The following SDCBP variants were observed in gnomAD, a reference collection of about 807,000 sequenced individuals.
SDCBP encodes syndecan binding protein.
In SDCBP, 22 loss-of-function variants were observed where a neutral mutation model predicts 30.5. The observed-to-expected ratio is 0.72, with a 90% CI of 0.52 to 1.03. SDCBP has a LOEUF of 1.03. SDCBP is among the 50% of genes least tolerant of loss of function. The pLI, the probability that SDCBP is intolerant of heterozygous loss-of-function variation, is 0.00. For missense variants in SDCBP, 304 were observed against 369.9 expected, an observed-to-expected ratio of 0.82 and a Z score of 1.46; for synonymous variants, 103 against 118.7, an observed-to-expected ratio of 0.87 and a Z score of 0.86.
intron 1 of SDCBP, among the ~76,000 whole-genome samples, chr8:58,553,609 G>A (rs1250501715): frequency 1.3e-5 from 2 of 152,204 alleles, no homozygotes; most frequent in African/African-American, 4.8e-5. Context: ...CCGGAGGCCC[G>A]GCTGGGTGAA....
Position 58,572,257 on chromosome 8 carries a change from A to G in SDCBP, c.183A>G (p.Leu61=). 1 of 1,612,456 alleles carries G rather than the reference A, an allele frequency of 6.2e-7. No homozygotes were observed. The highest frequency in any genetic ancestry group is 8.5e-7 in the Non-Finnish European group (1 of 1,179,772). The change falls in exon 4 of 9, where the codon TTA becomes TTG. Residue 61 remains leucine (L), a synonymous_variant. Transcript: ENST00000260130. ...TCTCTCAATACATGGGGCTGAGTTT[A>G]AATGAAGAAGAAATACGTGCAAATG... ...PELSQYMGLS[L]NEEEIRANVA...
intron 5 of SDCBP, among the ~76,000 whole-genome samples, chr8:58,577,747 A>AG (rs770409453): frequency 6.6e-6 from 1 of 152,078 alleles, no homozygotes; most frequent in African/African-American, 2.4e-5. Context: ...TCCAAGTTGA[A>AG]GGGGGGGATT....
intron 2 of SDCBP, among the ~76,000 whole-genome samples, chr8:58,567,521 A>G (rs894892936): frequency 2.6e-5 from 4 of 152,208 alleles, no homozygotes; most frequent in African/African-American, 9.6e-5. Flanking sequence ...CCTGAAGTCT[A>G]CATATTTACA....
At chr8:58,573,200 C>G (rs10099153) in intron 4 of SDCBP, among the ~76,000 whole-genome samples, 47,921 of 151,916 alleles carry the variant, frequency 0.32, 7,763 homozygotes, top group East Asian at 0.55. Flanking sequence ...GTCTGATAAC[C>G]TTTTATTAAG....
At chr8:58,566,759 T>C (rs754233225) in intron 2 of SDCBP, among the ~76,000 whole-genome samples, 1 of 152,236 alleles carries the variant, frequency 6.6e-6, no homozygotes, top group African/African-American at 2.4e-5. Flanking sequence ...AACGGTATTA[T>C]GAAGGAAGGT....
At chr8:58,579,510 A>T in intron 6 of SDCBP, 113 bp from the exon 7 acceptor site, 1 of 735,548 alleles carries the variant, frequency 1.4e-6, no homozygotes, top group Non-Finnish European at 2.0e-6. Flanking sequence ...TGCTCTTATT[A>T]GAAACAGTGT....
In SDCBP at chr8:58,568,870, CAAT is replaced by C. The variant is rs1804856121; in HGVS notation, c.52-2013_52-2011del. ...TTCCCTTCTAGAAACTCCTGGCAAC[CAAT>C]AATTTGCTTTTGCTTTTGTGTTTTC... On this transcript the variant is annotated intron_variant, in intron 2 of 8. Transcript: ENST00000260130. Among the ~76,000 whole-genome samples the C allele has an allele frequency of 2.0e-5, 3 of 152,050 alleles. No homozygotes were observed. In the South Asian group the frequency reaches 6.2e-4, roughly 32 times the overall value.
chr8:58,553,517 TCTTCCTGCCGCGACCCCGCGCGTTTCGG>T (rs1803924195), intron 1 of SDCBP, among the ~76,000 whole-genome samples: 1 of 151,914 alleles, frequency 6.6e-6, no homozygotes, highest in African/African-American at 2.4e-5. Flanking sequence ...AGCAGCGCGC[TCTTCCTGCCGCGACCCCGCGCGTTTCGG>T]GTTCCTGCCC....
intron 7 of SDCBP, 199 bp downstream of exon 7, chr8:58,579,993 A>G (rs952477669): frequency 6.7e-6 from 3 of 450,178 alleles, no homozygotes; most frequent in African/African-American, 4.0e-5. Flanking sequence ...GTGGGCTGGA[A>G]TAAATGATCT....
At chr8:58,566,253 C>A (rs1039146937) in intron 2 of SDCBP, among the ~76,000 whole-genome samples, 4 of 152,154 alleles carry the variant, frequency 2.6e-5, no homozygotes, top group Non-Finnish European at 5.9e-5. Flanking sequence ...AACTGCTTAG[C>A]CATTAATATG....
rs1027227459 is a variant in SDCBP, at chr8:58,563,932, C to T, written c.-15-1087C>T. On this transcript the variant is annotated intron_variant, in intron 1 of 8. Coordinates refer to ENST00000260130, the MANE Select transcript of SDCBP (RefSeq NM_005625.4). Reference sequence around the variant, plus strand: ...ACGTGAAGGGGTTGAGAAAGCTGCTCAGGGAGATTCCTTGGTGGTGGCATT... The same window carrying T: ...ACGTGAAGGGGTTGAGAAAGCTGCTTAGGGAGATTCCTTGGTGGTGGCATT... Among the ~76,000 whole-genome samples, 21 of 152,198 alleles carry T rather than the reference C, an allele frequency of 1.4e-4. 1 individual carries two copies. The highest frequency in any genetic ancestry group is 6.5e-5 in the Admixed American group (1 of 15,268).
intron 5 of SDCBP, among the ~76,000 whole-genome samples, chr8:58,577,643 A>C (rs911492145): frequency 4.6e-5 from 7 of 152,178 alleles, no homozygotes; most frequent in African/African-American, 1.7e-4. Context: ...CTTTTCCCCT[A>C]AATATGATTA....
At chr8:58,556,873 ACATATATAT>A (rs950020323) in intron 1 of SDCBP, among the ~76,000 whole-genome samples, 2 of 68,406 alleles carry the variant, frequency 2.9e-5, no homozygotes, top group African/African-American at 9.8e-5. Flanking sequence ...CATATATAAT[ACATATATAT>A]TATAATACGT....
At chr8:58,564,944 G>A (rs999992509) in intron 1 of SDCBP, 75 bp from the exon 2 acceptor site, 35 of 720,504 alleles carry the variant, frequency 4.9e-5, no homozygotes, top group Non-Finnish European at 6.8e-5. Flanking sequence ...ACTTGTTTAT[G>A]TGTCTGTGGT....
intron 7 of SDCBP, 113 bp downstream of exon 7, chr8:58,579,907 T>TG (rs1805587629): frequency 2.0e-6 from 2 of 994,792 alleles, no homozygotes; most frequent in Non-Finnish European, 2.9e-6. Context: ...ATGGGGAACG[T>TG]GGGGCCTGAA....
At chr8:58,564,447 A>C (rs1159092216) in intron 1 of SDCBP, among the ~76,000 whole-genome samples, 1 of 152,238 alleles carries the variant, frequency 6.6e-6, no homozygotes, top group Non-Finnish European at 1.5e-5. Context: ...ATGAAAAGTA[A>C]AAATTTCCCT....
intron 4 of SDCBP, among the ~76,000 whole-genome samples, chr8:58,574,608 T>G (rs1805220358): frequency 6.6e-6 from 1 of 152,198 alleles, no homozygotes; most frequent in Non-Finnish European, 1.5e-5. Context: ...TTGCTGGAGA[T>G]TTCTGTTATC....
At chr8:58,573,532 C>T (rs780488711) in intron 4 of SDCBP, among the ~76,000 whole-genome samples, 3 of 152,122 alleles carry the variant, frequency 2.0e-5, no homozygotes, top group Non-Finnish European at 4.4e-5. Context: ...AAGAGCCCCA[C>T]GGAGCTGGGA....
At chr8:58,577,510 T>C (rs1477630726) in intron 5 of SDCBP, among the ~76,000 whole-genome samples, 1 of 152,234 alleles carries the variant, frequency 6.6e-6, no homozygotes, top group East Asian at 1.9e-4. Flanking sequence ...TAATCTTACT[T>C]GATTATACAC....
Sources: gnomAD v4.1 joint callset for allele counts (sites outside exome capture counted in the v4.1 genomes callset) on GRCh38, gnomAD v4.1.1 for gene constraint, MANE v1.5 for transcripts, NCBI Gene and HGNC (gene_info 2026-07-23, HGNC 2026-07-21) for gene names.